Variants in OSBP2 observed in about 807,000 individuals in gnomAD.
OSBP2 encodes oxysterol binding protein 2, also known as oxysterol-binding protein 2.
Under a neutral mutation model 96.0 loss-of-function variants are expected in OSBP2, and 66 were observed. The observed-to-expected ratio is 0.69, with a 90% confidence interval of 0.56 to 0.84. OSBP2 has a LOEUF of 0.84. OSBP2 is among the 40% of genes least tolerant of loss of function. The pLI is 0.00. For missense variants in OSBP2, 1,038 were observed against 1,222.7 expected (o/e 0.85, Z 2.25); for synonymous variants, 525 against 520.9 (o/e 1.01, Z -0.11).
chr22:30,793,738 T>C (rs2090713858), intron 2 of OSBP2, among the ~76,000 whole-genome samples: 1 of 152,174 alleles, frequency 6.6e-6, no homozygotes, highest in Non-Finnish European at 1.5e-5. Flanking sequence ...TGCACACCTA[T>C]AGTCCTAGTC....
upstream of OSBP2, chr22:30,694,374 G>T: frequency 1.3e-6 from 2 of 1,513,066 alleles, no homozygotes; most frequent in Non-Finnish European, 8.8e-7. Flanking sequence ...GCGGGGCGTC[G>T]TCTTTAGCCT....
intron 2 of OSBP2, among the ~76,000 whole-genome samples, chr22:30,840,341 C>T (rs974404724): frequency 6.6e-6 from 1 of 150,388 alleles, no homozygotes; most frequent in African/African-American, 2.4e-5. Flanking sequence ...AAAAAGAAAG[C>T]TGAAACTGGA....
At chr22:30,838,832 TG>T (rs1308845308) in intron 2 of OSBP2, among the ~76,000 whole-genome samples, 4 of 151,666 alleles carry the variant, frequency 2.6e-5, no homozygotes, top group Admixed American at 6.6e-5. Flanking sequence ...TGTTTCGTTT[TG>T]TTTTTTTTTA....
intron 3 of OSBP2, among the ~76,000 whole-genome samples, chr22:30,876,065 G>C (rs1028222742): frequency 1.3e-5 from 2 of 152,256 alleles, no homozygotes; most frequent in Non-Finnish European, 2.9e-5. Context: ...GCAGATTCCT[G>C]TCCAGCTGAC....
At chr22:30,883,689 T>C (rs575728899) in intron 3 of OSBP2, among the ~76,000 whole-genome samples, 87 of 152,290 alleles carry the variant, frequency 5.7e-4, no homozygotes, top group Non-Finnish European at 9.9e-4. Context: ...CTAGCTTTGC[T>C]GTCTTGGGAT....
intron 2 of OSBP2, among the ~76,000 whole-genome samples, chr22:30,802,259 G>T (rs571369612): frequency 6.6e-6 from 1 of 152,308 alleles, no homozygotes; most frequent in South Asian, 2.1e-4. Context: ...GGAGGGATTT[G>T]AATAGAATGT....
intron 2 of OSBP2, among the ~76,000 whole-genome samples, chr22:30,817,749 G>A (rs147356387): frequency 1.3e-5 from 2 of 152,290 alleles, no homozygotes; most frequent in East Asian, 3.9e-4. Context: ...AGACTAGTGA[G>A]AAAAGGCCTC....
At chr22:30,807,899 C>T (rs1170961475) in intron 2 of OSBP2, among the ~76,000 whole-genome samples, 3 of 152,192 alleles carry the variant, frequency 2.0e-5, no homozygotes, top group Non-Finnish European at 2.9e-5. Context: ...GATCCTCCTG[C>T]CTTAGCCTCC....
At chr22:30,888,366 C>A in intron 5 of OSBP2, 26 bp downstream of exon 5, 2 of 1,329,972 alleles carry the variant, frequency 1.5e-6, no homozygotes, top group Non-Finnish European at 2.2e-6. Flanking sequence ...CTGGGCAGAG[C>A]CTCCCCCACC....
At chr22:30,784,448 G>A (rs1373002529) in intron 2 of OSBP2, among the ~76,000 whole-genome samples, 3 of 151,788 alleles carry the variant, frequency 2.0e-5, no homozygotes, top group South Asian at 4.2e-4. Flanking sequence ...TTTTAAAGAC[G>A]AGGTCGTGCT....
chr22:30,764,309 T>C (rs2090243255), intron 2 of OSBP2: 1 of 984,854 alleles, frequency 1.0e-6, no homozygotes, highest in Admixed American at 6.2e-5. Context: ...GGGGGTTGGG[T>C]GGCTGGTGGC....
At chr22:30,879,689 A>G (rs2039659768) in intron 3 of OSBP2, among the ~76,000 whole-genome samples, 1 of 152,166 alleles carries the variant, frequency 6.6e-6, no homozygotes, top group South Asian at 2.1e-4. Context: ...GACACTTAAG[A>G]CCAGAATCGC....
At chr22:30,776,363 G>A (rs1298084667) in intron 2 of OSBP2, among the ~76,000 whole-genome samples, 1 of 152,020 alleles carries the variant, frequency 6.6e-6, no homozygotes, top group Non-Finnish European at 1.5e-5. Context: ...GAGGTCAATC[G>A]ATCTGCCCGC....
At chr22:30,715,575 G>A (rs2145693577) in intron 1 of OSBP2, among the ~76,000 whole-genome samples, 1 of 149,722 alleles carries the variant, frequency 6.7e-6, no homozygotes, top group African/African-American at 2.5e-5. Context: ...TTTTGAGGTG[G>A]AGTTTCACTC....
intron 2 of OSBP2, among the ~76,000 whole-genome samples, chr22:30,837,648 C>T (rs2038663828): frequency 6.6e-6 from 1 of 152,212 alleles, no homozygotes; most frequent in Admixed American, 6.5e-5. Flanking sequence ...GCATGTGTGG[C>T]TCTGAGCCCT....
chr22:30,795,991 A>G (rs958736204), intron 2 of OSBP2, among the ~76,000 whole-genome samples: 48 of 152,200 alleles, frequency 3.2e-4, no homozygotes, highest in African/African-American at 1.0e-3. Flanking sequence ...GCTCCTTGCC[A>G]GTCAAGCTGC....
At chr22:30,893,279 A>G (rs758298446) in intron 9 of OSBP2, 37 bp downstream of exon 9, 9 of 1,613,540 alleles carry the variant, frequency 5.6e-6, no homozygotes, top group Non-Finnish European at 7.6e-6. Context: ...GGACACAGAG[A>G]CATTGTGCAT....
chr22:30,753,464 G>T (rs1190637798), intron 2 of OSBP2, among the ~76,000 whole-genome samples: 2 of 152,142 alleles, frequency 1.3e-5, no homozygotes, highest in African/African-American at 2.4e-5. Context: ...CACCAGGGGA[G>T]GTTCAAGATA....
At chr22:30,811,332 TTTTA>T (rs141199866) in intron 2 of OSBP2, among the ~76,000 whole-genome samples, 91,543 of 137,736 alleles carry the variant, frequency 0.66, 31,335 homozygotes, top group African/African-American at 0.85. Flanking sequence ...TTTTTATTTA[TTTTA>T]TTTATTTATT....
Sources: gnomAD v4.1 joint callset for allele counts (sites outside exome capture counted in the v4.1 genomes callset) on GRCh38, gnomAD v4.1.1 for gene constraint, MANE v1.5 for transcripts, NCBI Gene and HGNC (gene_info 2026-07-23, HGNC 2026-07-21) for gene names.